The following CDH13 variants were observed in gnomAD, a reference collection of about 807,000 sequenced individuals.
CDH13 encodes cadherin-13.
A neutral mutation model predicts 63.8 loss-of-function variants in CDH13; 24 were observed. The observed-to-expected ratio is 0.38, with a 90% CI of 0.27 to 0.53. CDH13 has a LOEUF of 0.53. Among genes scored for constraint, CDH13 ranks in the 20% least tolerant of loss-of-function variants. The pLI is 0.85. For synonymous variants in CDH13, 503 were observed against 355.3 expected, an observed-to-expected ratio of 1.42 and a Z score of -4.67; for missense variants, 1,049 against 903.1, an observed-to-expected ratio of 1.16 and a Z score of -2.07.
Position 83,626,214 on chromosome 16 carries a change from G to A in CDH13, c.1101+23620G>A, listed in dbSNP as rs535234999. Among the ~76,000 whole-genome samples the A allele has an allele frequency of 2.6e-5, 4 of 152,232 alleles. No individual in the cohort carries two copies. The South Asian group carries it at 8.3e-4, about 32-fold the overall frequency. On this transcript the variant is annotated intron_variant, in intron 8 of 13. Coordinates refer to ENST00000567109, the MANE Select transcript of CDH13 (RefSeq NM_001257.5). ...TTCAGCTGATTTTGCCGTACCGCGT[G>A]TGCCGGTTTCATCTTCCTCCTCGTT...
chr16:83,729,339 G>C (rs372728513), intron 10 of CDH13, among the ~76,000 whole-genome samples: 1 of 152,092 alleles, frequency 6.6e-6, no homozygotes, highest in African/African-American at 2.4e-5. Flanking sequence ...ACAAAGAAGA[G>C]AAAATGGAAA....
intron 3 of CDH13, among the ~76,000 whole-genome samples, chr16:83,113,004 A>G (rs1305758284): frequency 6.6e-6 from 1 of 152,232 alleles, no homozygotes; most frequent in African/African-American, 2.4e-5. Context: ...TTTGGATGGC[A>G]GAAGTTACAA....
intron 8 of CDH13, among the ~76,000 whole-genome samples, chr16:83,662,203 G>A (rs1401344374): frequency 3.3e-5 from 5 of 152,084 alleles, no homozygotes; most frequent in East Asian, 1.9e-4. Flanking sequence ...TTCCACATTC[G>A]AGTTTTGCAT....
intron 4 of CDH13, among the ~76,000 whole-genome samples, chr16:83,203,241 A>G (rs980791125): frequency 6.6e-6 from 1 of 152,128 alleles, no homozygotes; most frequent in Non-Finnish European, 1.5e-5. Context: ...CAAACAAACA[A>G]AAACACCAAA....
intron 3 of CDH13, among the ~76,000 whole-genome samples, chr16:83,110,740 G>A (rs1371419482): frequency 6.6e-6 from 1 of 152,002 alleles, no homozygotes; most frequent in African/African-American, 2.4e-5. Flanking sequence ...TGTTTTGCCA[G>A]GGTCGGGCTT....
intron 1 of CDH13, among the ~76,000 whole-genome samples, chr16:82,796,950 A>G (rs918627498): frequency 6.6e-6 from 1 of 152,202 alleles, no homozygotes; most frequent in Non-Finnish European, 1.5e-5. Flanking sequence ...GCTCCTTACA[A>G]CTAGACTGAA....
At chr16:82,701,809 G>T (rs1047060949) in intron 1 of CDH13, among the ~76,000 whole-genome samples, 2 of 151,998 alleles carry the variant, frequency 1.3e-5, no homozygotes, top group Non-Finnish European at 2.9e-5. Context: ...TCAACCATTT[G>T]CTATGAACAA....
At chr16:83,679,333 C>A (rs2150872104) in intron 10 of CDH13, among the ~76,000 whole-genome samples, 1 of 152,306 alleles carries the variant, frequency 6.6e-6, no homozygotes, top group Non-Finnish European at 1.5e-5. Flanking sequence ...ATTAATGTTC[C>A]TCCTCCAAAA....
chr16:83,369,267 A>G (rs749216868), intron 6 of CDH13, among the ~76,000 whole-genome samples: 1 of 151,702 alleles, frequency 6.6e-6, no homozygotes, highest in Non-Finnish European at 1.5e-5. Flanking sequence ...AAATTAGCTC[A>G]TTTTCTAGTA....
intron 11 of CDH13, among the ~76,000 whole-genome samples, chr16:83,752,890 C>T (rs1913201256): frequency 1.3e-5 from 2 of 152,152 alleles, no homozygotes; most frequent in Non-Finnish European, 2.9e-5. Context: ...AAGAATAGAG[C>T]CAGGAATGAT....
chr16:82,999,422 A>G (rs987702966), intron 2 of CDH13, among the ~76,000 whole-genome samples: 1 of 151,936 alleles, frequency 6.6e-6, no homozygotes, highest in Non-Finnish European at 1.5e-5. Flanking sequence ...TTAACAGGGA[A>G]GAAATATCAT....
chr16:83,169,531 T>C (rs948366660), intron 4 of CDH13, among the ~76,000 whole-genome samples: 2 of 151,392 alleles, frequency 1.3e-5, no homozygotes, highest in Admixed American at 6.6e-5. Context: ...TGTGGCCTTT[T>C]TTTTTGCCAT....
intron 6 of CDH13, among the ~76,000 whole-genome samples, chr16:83,349,058 A>G (rs935747135): frequency 2.6e-5 from 4 of 152,214 alleles, no homozygotes; most frequent in African/African-American, 2.4e-5. Context: ...CTGTATGTGC[A>G]GACAGGAGAC....
chr16:83,430,078 A>G (rs1175833573), intron 6 of CDH13, among the ~76,000 whole-genome samples: 1 of 152,184 alleles, frequency 6.6e-6, no homozygotes, highest in African/African-American at 2.4e-5. Context: ...TTCCTCAAAA[A>G]ATTAAAAATA....
chr16:83,694,712 G>A (rs1905211102), intron 10 of CDH13, among the ~76,000 whole-genome samples: 1 of 152,164 alleles, frequency 6.6e-6, no homozygotes, highest in Non-Finnish European at 1.5e-5. Context: ...TACAGAACAG[G>A]GCTGTGGCTT....
chr16:83,535,085 G>A (rs949359541), intron 7 of CDH13, among the ~76,000 whole-genome samples: 3 of 152,298 alleles, frequency 2.0e-5, no homozygotes, highest in Middle Eastern at 3.4e-3. Flanking sequence ...GGATATTGTT[G>A]GGGTCCTTTT....
chr16:83,647,801 G>A (rs1412317940), intron 8 of CDH13, among the ~76,000 whole-genome samples: 3 of 152,144 alleles, frequency 2.0e-5, no homozygotes, highest in Non-Finnish European at 4.4e-5. Context: ...GACCAAAGGG[G>A]AAGAGATTCT....
chr16:83,425,069 A>G (rs2071847410), intron 6 of CDH13, among the ~76,000 whole-genome samples: 2 of 152,246 alleles, frequency 1.3e-5, no homozygotes, highest in African/African-American at 4.8e-5. Context: ...ACACCATAGC[A>G]TGCTTACAAC....
chr16:82,667,522 A>G (rs1423507026), intron 1 of CDH13, among the ~76,000 whole-genome samples: 1 of 152,198 alleles, frequency 6.6e-6, no homozygotes, highest in African/African-American at 2.4e-5. Context: ...AGGATTGTGC[A>G]TGTATGATGG....
Sources: gnomAD v4.1 joint callset for allele counts (sites outside exome capture counted in the v4.1 genomes callset) on GRCh38, gnomAD v4.1.1 for gene constraint, MANE v1.5 for transcripts, NCBI Gene and HGNC (gene_info 2026-07-23, HGNC 2026-07-21) for gene names.